Variants in SH3BP4 observed in about 807,000 individuals in gnomAD.
SH3BP4 encodes the protein SH3 domain-binding protein 4.
SH3BP4 carries 33 observed loss-of-function variants against 65.5 expected under a neutral mutation model. The observed-to-expected ratio is 0.50, with a 90% CI of 0.38 to 0.67. The LOEUF (loss-of-function observed/expected upper bound fraction) is 0.67, where lower values mean the gene tolerates loss of function less well. Among genes scored for constraint, SH3BP4 ranks in the 30% least tolerant of loss-of-function variants. SH3BP4 has a pLI of 0.00. For synonymous variants in SH3BP4, 552 were observed against 545.5 expected (o/e 1.01, Z -0.17); for missense variants, 1,134 against 1,261.4 (o/e 0.90, Z 1.53).
rs1166300378 is a variant in SH3BP4 at position 235,026,606 on chromosome 2, C to T, written c.-132-8265C>T. Among the ~76,000 whole-genome samples, 2 of 152,212 alleles carry T rather than the reference C, an allele frequency of 1.3e-5. No homozygotes were observed. Among genetic ancestry groups the T allele is most frequent in the Admixed American group, 1.3e-4 (2 of 15,274 alleles). Reference sequence around the variant, plus strand: ...ACAGAGCCTCGTTGCTAGAGCCTGGCACTCCGTAGATGTTCACTAAGGTGA... The same window carrying T: ...ACAGAGCCTCGTTGCTAGAGCCTGGTACTCCGTAGATGTTCACTAAGGTGA... On this transcript the variant is annotated intron_variant, in intron 2 of 5. Coordinates refer to ENST00000392011, the MANE Select transcript of SH3BP4 (RefSeq NM_014521.3). This position sits in a 1 kb window ranked among gnomAD's most constrained non-coding sequence, Gnocchi z 4.6.
At position 234,991,622 on chromosome 2, in the gene SH3BP4, C is replaced by T. The variant is rs1467410875; in HGVS notation, c.-206-3681C>T. 1.3e-5 allele frequency among the ~76,000 whole-genome samples: 2 copies of T among 152,218 alleles called. No homozygotes were observed. The highest frequency in any genetic ancestry group is 4.8e-5 in the African/African-American group (2 of 41,458). ...GGGCCCCTGAAGACTGACGGGTCCA[C>T]ACTGGTGTCTGGTGGTGCCCACAGG... is the stretch of plus-strand genomic sequence containing the variant. On this transcript the variant is annotated intron_variant, in intron 1 of 5. Transcript: ENST00000392011. This position sits in a 1 kb window ranked among gnomAD's most constrained non-coding sequence, Gnocchi z 4.2.
chr2:235,038,365 TAATATATATAC>T (rs1559254541), intron 3 of SH3BP4, among the ~76,000 whole-genome samples: 13 of 36,136 alleles, frequency 3.6e-4, no homozygotes, highest in Admixed American at 9.0e-4. Flanking sequence ...TATATATATA[TAATATATATAC>T]ATATATATAT....
At chr2:234,970,570 T>C (rs1399772638) in intron 1 of SH3BP4, among the ~76,000 whole-genome samples, 1 of 152,222 alleles carries the variant, frequency 6.6e-6, no homozygotes, top group East Asian at 1.9e-4. Context: ...GTAGGAATAA[T>C]AAAAGCCTTT....
At chr2:234,968,325 T>C (rs1462254240) in intron 1 of SH3BP4, among the ~76,000 whole-genome samples, 1 of 151,504 alleles carries the variant, frequency 6.6e-6, no homozygotes, top group East Asian at 1.9e-4. Context: ...GGATGGACCT[T>C]GGGGTGTTCT....
rs1436236940 is a variant in SH3BP4 at position 234,967,132 on chromosome 2, T to G, written c.-207+14962T>G. The stretch of plus-strand genomic sequence containing the variant: ...ATCGGGAAACTGAGGAACCATGGGG[T>G]TTAGGGACTTGTGTGAGCTGGGAAG... On this transcript the variant is annotated intron_variant, in intron 1 of 5. Coordinates refer to ENST00000392011, the MANE Select transcript of SH3BP4 (RefSeq NM_014521.3). This position sits in a 1 kb window ranked among gnomAD's most constrained non-coding sequence, Gnocchi z 4.6. Among the ~76,000 whole-genome samples the G allele has an allele frequency of 1.3e-5, 2 of 151,828 alleles. No homozygotes were observed. The highest frequency in any genetic ancestry group is 3.9e-4 in the East Asian group (2 of 5,164).
chr2:234,956,932 G>A (rs1341793162), intron 1 of SH3BP4, among the ~76,000 whole-genome samples: 2 of 152,148 alleles, frequency 1.3e-5, no homozygotes, highest in Non-Finnish European at 2.9e-5. Context: ...AGCTCATAGT[G>A]TGCCGGTAAA....
chr2:235,034,999 C>T lies in SH3BP4; in HGVS notation c.-4C>T, dbSNP rs781278776. On this transcript the variant is annotated 5_prime_UTR_variant, in exon 3 of 6. Transcript: ENST00000392011. The surrounding 1 kb of genome is among the most constrained non-coding windows in gnomAD (Gnocchi z 6.2). ...GCGGCTTTACCCGGGAAGCGAGTTT[C>T]GAGATGGCGGCTCAGCGGATCCGAG... is the stretch of plus-strand genomic sequence containing the variant. The T allele has an allele frequency of 3.3e-5, 53 of 1,613,002 alleles. No individual in the cohort carries two copies. Among genetic ancestry groups the T allele is most frequent in the South Asian group, 1.1e-4 (10 of 91,044 alleles).
In SH3BP4 at chr2:235,034,175, C is replaced by T. The variant is rs932784884; in HGVS notation, c.-132-696C>T. On this transcript the variant is annotated intron_variant, in intron 2 of 5. Transcript: ENST00000392011. The surrounding 1 kb of genome is among the most constrained non-coding windows in gnomAD (Gnocchi z 6.2). ...TGTGCGCCCTTCCAGAAAAAAAAAG[C>T]AGAGGCCTTAGGGGTGATTCTTGTG... Among the ~76,000 whole-genome samples the T allele has an allele frequency of 1.3e-5, 2 of 152,124 alleles. No homozygotes were observed. The highest frequency in any genetic ancestry group is 2.9e-5 in the Non-Finnish European group (2 of 68,016).
chr2:235,038,349 T>TATA (rs1559254445), intron 3 of SH3BP4, among the ~76,000 whole-genome samples: 1 of 12,598 alleles, frequency 7.9e-5, no homozygotes, highest in South Asian at 1.6e-3. Context: ...GTATATATAT[T>TATA]TTATATATAT....
At chr2:234,993,377 A>AT (rs1693813376) in intron 1 of SH3BP4, among the ~76,000 whole-genome samples, 1 of 152,170 alleles carries the variant, frequency 6.6e-6, no homozygotes, top group Non-Finnish European at 1.5e-5. Context: ...GACCCGCCTG[A>AT]TGAAGGGGCC....
intron 2 of SH3BP4, among the ~76,000 whole-genome samples, chr2:235,013,885 T>C (rs1297627276): frequency 6.6e-6 from 1 of 152,156 alleles, no homozygotes; most frequent in African/African-American, 2.4e-5. Flanking sequence ...TCTTTGTGCC[T>C]CAGTTTCCTC....
chr2:234,956,239 ATTTGGTACGATGTC>A (rs1243521377), intron 1 of SH3BP4, among the ~76,000 whole-genome samples: 2 of 152,300 alleles, frequency 1.3e-5, no homozygotes, highest in East Asian at 3.9e-4. Context: ...ATAACCCAGG[ATTTGGTACGATGTC>A]TTTCCTTGTC....
chr2:235,013,874 C>T (rs1694601396), intron 2 of SH3BP4, among the ~76,000 whole-genome samples: 1 of 152,142 alleles, frequency 6.6e-6, no homozygotes, highest in Non-Finnish European at 1.5e-5. Context: ...GAAGATTAAC[C>T]TCTTTGTGCC....
rs1695319184 is a variant in SH3BP4, at chr2:235,034,787, G to C, written c.-132-84G>C. On this transcript the variant is annotated intron_variant, in intron 2 of 5. Transcript: ENST00000392011. The surrounding 1 kb of genome is among the most constrained non-coding windows in gnomAD (Gnocchi z 6.2). The stretch of plus-strand genomic sequence containing the variant: ...CCTCATTAGAACAGCCTGGAAGAAA[G>C]AGGATTCCCACTTCCCATAAAATTA... The C allele has an allele frequency of 1.8e-6, 1 of 554,232 alleles. No homozygotes were observed. Among genetic ancestry groups the C allele is most frequent in the Admixed American group, 3.1e-5 (1 of 32,568 alleles). The allele number at this position is 554,232 out of a possible 1,614,324, so 34.3% of individuals were successfully genotyped here.
chr2:234,971,934 C>T (rs1318628504), intron 1 of SH3BP4, among the ~76,000 whole-genome samples: 2 of 150,004 alleles, frequency 1.3e-5, no homozygotes, highest in Non-Finnish European at 3.0e-5. Flanking sequence ...CTCCTGCCTC[C>T]GCCTCCAGAG....
Position 235,030,436 on chromosome 2 carries a change from C to G in SH3BP4, c.-132-4435C>G, listed in dbSNP as rs972575208. Among the ~76,000 whole-genome samples, 1 of 152,144 alleles carries G rather than the reference C, an allele frequency of 6.6e-6. No homozygotes were observed. Among genetic ancestry groups the G allele is most frequent in the African/African-American group, 2.4e-5 (1 of 41,426 alleles). The stretch of plus-strand genomic sequence containing the variant: ...AAGTCTGGTACCTGCTGCCTAGGGC[C>G]CTTGAGGACGCAGTGGGATGGTGCC... On this transcript the variant is annotated intron_variant, in intron 2 of 5. Coordinates refer to ENST00000392011, the MANE Select transcript of SH3BP4 (RefSeq NM_014521.3). The surrounding 1 kb of genome is among the most constrained non-coding windows in gnomAD (Gnocchi z 4.1).
rs1402526437 is a variant in SH3BP4, at chr2:235,055,555, C to T, written c.*1739C>T. On this transcript the variant is annotated 3_prime_UTR_variant, in exon 6 of 6. Coordinates refer to ENST00000392011, the MANE Select transcript of SH3BP4 (RefSeq NM_014521.3). ...GCACCTTAAACCATGGATATTTTTT[C>T]CTCAGGGGCTTTAAATAGTTTCCTA... 1 of 152,566 alleles carries T rather than the reference C, an allele frequency of 6.6e-6. No homozygotes were observed. Among genetic ancestry groups the T allele is most frequent in the Non-Finnish European group, 1.5e-5 (1 of 68,022 alleles). 9.5% of individuals were successfully genotyped at this position (152,566 alleles called of 1,614,324 possible).
In SH3BP4 at chr2:235,014,116, C is replaced by T. The variant is rs60608846; in HGVS notation, c.-133+18740C>T. On this transcript the variant is annotated intron_variant, in intron 2 of 5. Transcript: ENST00000392011. ...CTTAAAAAAAAAAGAAATGCCTTTG[C>T]GTGGCTCTTACGGTGACATAGCAGG... 2.9e-3 allele frequency among the ~76,000 whole-genome samples: 445 copies of T among 152,150 alleles called. 3 individuals carry two copies. The highest frequency in any genetic ancestry group is 0.011 in the African/African-American group (436 of 41,498).
intron 2 of SH3BP4, among the ~76,000 whole-genome samples, chr2:235,022,351 T>A (rs543052043): frequency 1.2e-3 from 178 of 152,080 alleles, no homozygotes; most frequent in African/African-American, 4.0e-3. Context: ...GTCAGGGGTT[T>A]GAGACCAGCC....
Sources: gnomAD v4.1 joint callset for allele counts (sites outside exome capture counted in the v4.1 genomes callset) on GRCh38, gnomAD v4.1.1 for gene constraint, Gnocchi (gnomAD v3.1) non-coding constraint, MANE v1.5 for transcripts, NCBI Gene and HGNC (gene_info 2026-07-23, HGNC 2026-07-21) for gene names.